The following APOL6 variants were observed in gnomAD, a reference collection of about 807,000 sequenced individuals.
APOL6 encodes the protein apolipoprotein L, 6.
APOL6 carries 1 observed loss-of-function variant against 2.4 expected under a neutral mutation model. The observed-to-expected ratio is 0.41, with a 90% CI of 0.15 to 1.94. The LOEUF (loss-of-function observed/expected upper bound fraction) is 1.94, where lower values mean the gene tolerates loss of function less well. Ranked by LOEUF, APOL6 falls within the 30% of genes most tolerant of loss-of-function variation. The pLI, the probability that APOL6 is intolerant of heterozygous loss-of-function variation, is 0.30. For missense variants in APOL6, 438 were observed against 429.2 expected (o/e 1.02, Z -0.18); for synonymous variants, 189 against 169.3 (o/e 1.12, Z -0.90).
rs1344783816 is a variant in APOL6, at chr22:35,662,735, G to T, written c.*3139G>T. 6.6e-6 allele frequency: 1 copy of T among 152,110 alleles called. No individual in the cohort carries two copies. The highest frequency in any genetic ancestry group is 1.5e-5 in the Non-Finnish European group (1 of 68,030). The allele number at this position is 152,110 out of a possible 1,614,324, so 9.4% of individuals were successfully genotyped here. A position where few individuals can be genotyped will look rare whatever the true frequency, so the allele number is the denominator to read the frequency against. ...ACTGAGACCTGTCTCGGATTTTCTG[G>T]GTTCACATTTTGGAAACCATGAATG... On this transcript the variant is annotated 3_prime_UTR_variant, in exon 3 of 3. Transcript: ENST00000409652.
rs539978581 is a variant in APOL6, at chr22:35,665,157, A to G, written c.*5561A>G. 6.6e-6 allele frequency: 1 copy of G among 152,200 alleles called. No homozygotes were observed. Among genetic ancestry groups the G allele is most frequent in the Admixed American group, 6.5e-5 (1 of 15,274 alleles). 9.4% of individuals were successfully genotyped at this position (152,200 alleles called of 1,614,324 possible). ...AAAGCTTTTATATAATCAAGTTGTC[A>G]TATTATTATTAAGTTTTGGTTTGCT... On this transcript the variant is annotated 3_prime_UTR_variant, in exon 3 of 3. Transcript: ENST00000409652.
chr22:35,654,727 A>G (rs1187665198), intron 1 of APOL6, among the ~76,000 whole-genome samples: 1 of 152,122 alleles, frequency 6.6e-6, no homozygotes, highest in Non-Finnish European at 1.5e-5. Flanking sequence ...ATGATCCTTT[A>G]ATCATTACAG....
chr22:35,654,536 C>A (rs1438319690), intron 1 of APOL6, among the ~76,000 whole-genome samples: 41 of 139,952 alleles, frequency 2.9e-4, no homozygotes, highest in East Asian at 1.2e-3. Flanking sequence ...CTCTCTCTCT[C>A]TCTCTATATA....
Position 35,659,758 on chromosome 22 carries a change from T to A in APOL6, c.*162T>A, listed in dbSNP as rs1924970795. 9.8e-7 allele frequency: 1 copy of A among 1,024,678 alleles called. No homozygotes were observed. 63.5% of individuals were successfully genotyped at this position (1,024,678 alleles called of 1,614,324 possible). ...TGCTGGGAAAAGGGTCTTCCCTGTT[T>A]GTTTGTTTGTTTGTTTGTTTGTTTG... On this transcript the variant is annotated 3_prime_UTR_variant, in exon 3 of 3. Coordinates refer to ENST00000409652, the MANE Select transcript of APOL6 (RefSeq NM_030641.4).
At chr22:35,652,923 A>G (rs1415993033) in intron 1 of APOL6, among the ~76,000 whole-genome samples, 4 of 151,824 alleles carry the variant, frequency 2.6e-5, no homozygotes, top group East Asian at 1.9e-4. Flanking sequence ...GTTTTTTCCA[A>G]TTCTGTGAAG....
intron 1 of APOL6, among the ~76,000 whole-genome samples, chr22:35,653,197 TTGTC>T (rs1490357880): frequency 2.6e-5 from 4 of 152,152 alleles, no homozygotes; most frequent in Non-Finnish European, 5.9e-5. Flanking sequence ...GGCTCTCTGT[TTGTC>T]TGTTATTGGT....
At chr22:35,652,113 CATT>C (rs1287189054) in intron 1 of APOL6, among the ~76,000 whole-genome samples, 1 of 152,172 alleles carries the variant, frequency 6.6e-6, no homozygotes, top group Non-Finnish European at 1.5e-5. Flanking sequence ...GATGGTATCT[CATT>C]GTGGTTTTGA....
At chr22:35,649,919 A>T (rs1601863791) in intron 1 of APOL6, among the ~76,000 whole-genome samples, 1 of 152,156 alleles carries the variant, frequency 6.6e-6, no homozygotes, top group East Asian at 1.9e-4. Context: ...TACCAACAGC[A>T]GTACCCTCTC....
Position 35,660,035 on chromosome 22 carries a change from G to A in APOL6, c.*439G>A, listed in dbSNP as rs1924979418. On this transcript the variant is annotated 3_prime_UTR_variant, in exon 3 of 3. Coordinates refer to ENST00000409652, the MANE Select transcript of APOL6 (RefSeq NM_030641.4). ...ACCCACCTTGGCCTCCCAAAATGCT[G>A]GGATTACAAGCGTGAGCTACCCTGC... 1 of 167,190 alleles carries A rather than the reference G, an allele frequency of 6.0e-6. No individual in the cohort carries two copies. The highest frequency in any genetic ancestry group is 1.3e-5 in the Non-Finnish European group (1 of 75,904). 10.4% of individuals were successfully genotyped at this position (167,190 alleles called of 1,614,324 possible).
Position 35,655,712 on chromosome 22 carries a change from C to T in APOL6, c.-47-667C>T, listed in dbSNP as rs763558601. Among the ~76,000 whole-genome samples the T allele has an allele frequency of 7.9e-5, 12 of 151,974 alleles. 1 individual carries two copies. The Middle Eastern group carries it at 0.01, about 129-fold the overall frequency. On this transcript the variant is annotated intron_variant, in intron 1 of 2. Transcript: ENST00000409652. ...AACCCTCATAAGTTCTTAGCTGGAA[C>T]AGACTCCTGTAACCCAAGACACATT... is the stretch of plus-strand genomic sequence containing the variant.
chr22:35,659,922 C>T lies in APOL6; in HGVS notation c.*326C>T, dbSNP rs765335760. The T allele has an allele frequency of 4.3e-5, 11 of 253,108 alleles. No homozygotes were observed. Among genetic ancestry groups the T allele is most frequent in the Admixed American group, 1.4e-4 (3 of 21,044 alleles). The allele number at this position is 253,108 out of a possible 1,614,324, so 15.7% of individuals were successfully genotyped here. On this transcript the variant is annotated 3_prime_UTR_variant, in exon 3 of 3. Coordinates refer to ENST00000409652, the MANE Select transcript of APOL6 (RefSeq NM_030641.4). The stretch of plus-strand genomic sequence containing the variant: ...CTGGGATTACAGGCACGCACCACCA[C>T]GCCCAGCTAATTTTGGTATTTTTTT...
intron 1 of APOL6, among the ~76,000 whole-genome samples, chr22:35,649,964 G>A (rs1924645277): frequency 6.6e-6 from 1 of 152,138 alleles, no homozygotes; most frequent in South Asian, 2.1e-4. Context: ...CCAGATATTA[G>A]CAGTGTCCCT....
Position 35,659,223 on chromosome 22 carries a change from AG to A in APOL6, c.661del (p.Ala221ProfsTer9). On this transcript the variant is annotated frameshift_variant, in exon 3 of 3. Coordinates refer to ENST00000409652, the MANE Select transcript of APOL6 (RefSeq NM_030641.4). LOFTEE classifies it low-confidence loss of function (END_TRUNC). ...TCCCGGAGCCGCGTGCAGGTGCAAA[AG>A]GCCTTTGCGGGAACAACACTGGCGA... ...VSSRSRVQVQKAFAGTTLAMT... is the reference protein window; with the variant it reads ...VSSRSRVQVQXAFAGTTLAMT... 1 of 1,614,190 alleles carries A rather than the reference AG, an allele frequency of 6.2e-7. No individual in the cohort carries two copies. The highest frequency in any genetic ancestry group is 1.3e-5 in the African/African-American group (1 of 75,050).
rs747149922 is a variant in APOL6 at position 35,658,792 on chromosome 22, G to A, written c.228G>A (p.Lys76=). ...ACAAAACCCACAAGAAATTCACCAA[G>A]GCTAACATGGTGGCCACCTCTACTG... The part of the protein sequence containing the change: ...DIDKTHKKFT[K]ANMVATSTAV... Residue 76 remains lysine, a synonymous_variant, in exon 3 of 3, where the codon AAG becomes AAA. Transcript: ENST00000409652. 6.2e-7 allele frequency: 1 copy of A among 1,614,032 alleles called. No homozygotes were observed. Among genetic ancestry groups the A allele is most frequent in the African/African-American group, 1.3e-5 (1 of 74,926 alleles).
At chr22:35,651,582 G>A (rs1031741911) in intron 1 of APOL6, among the ~76,000 whole-genome samples, 28 of 151,152 alleles carry the variant, frequency 1.9e-4, no homozygotes, top group African/African-American at 6.6e-4. Context: ...GGTGTGTGAC[G>A]TTCCCCTTCC....
chr22:35,651,298 C>A (rs1177292556), intron 1 of APOL6, among the ~76,000 whole-genome samples: 1 of 152,130 alleles, frequency 6.6e-6, no homozygotes, highest in African/African-American at 2.4e-5. Flanking sequence ...ACCATCTGTG[C>A]CTTTTGCAGC....
chr22:35,658,520 G>A (rs1924907640), intron 2 of APOL6, 95 bp from the exon 3 acceptor site: 2 of 1,096,440 alleles, frequency 1.8e-6, no homozygotes, highest in Non-Finnish European at 2.6e-6. Context: ...GGTACAGGGA[G>A]GATTCGAAGC....
chr22:35,664,674 T>C lies in APOL6; in HGVS notation c.*5078T>C, dbSNP rs1388779110. The C allele has an allele frequency of 6.6e-6, 1 of 152,150 alleles. No individual in the cohort carries two copies. The highest frequency in any genetic ancestry group is 2.4e-5 in the African/African-American group (1 of 41,444). 9.4% of individuals were successfully genotyped at this position (152,150 alleles called of 1,614,324 possible). On this transcript the variant is annotated 3_prime_UTR_variant, in exon 3 of 3. Transcript: ENST00000409652. ...GTAAATGTAATGGGATAAATACTTA[T>C]AGACCAACTGGACATAATTTAGAAT... is the stretch of plus-strand genomic sequence containing the variant.
intron 2 of APOL6, among the ~76,000 whole-genome samples, chr22:35,658,162 T>A (rs1277886207): frequency 6.6e-6 from 1 of 152,128 alleles, no homozygotes; most frequent in Admixed American, 6.5e-5. Context: ...TACTCACTTC[T>A]ACACATCTGG....
Sources: allele counts gnomAD v4.1 joint callset (sites outside exome capture counted in the v4.1 genomes callset), GRCh38; gene constraint gnomAD v4.1.1; transcripts MANE v1.5; gene names NCBI Gene and HGNC (gene_info 2026-07-23, HGNC 2026-07-21).